The following SNTG1 variants were observed in gnomAD, a reference collection of about 807,000 sequenced individuals.
SNTG1 encodes syntrophin gamma 1, also known as gamma-1-syntrophin.
A neutral mutation model predicts 74.7 loss-of-function variants in SNTG1; 39 were observed. The observed-to-expected ratio is 0.52, with a 90% CI of 0.40 to 0.68. SNTG1 has a LOEUF of 0.68. SNTG1 is among the 30% of genes least tolerant of loss of function. The pLI, the probability that SNTG1 is intolerant of heterozygous loss-of-function variation, is 0.00. For synonymous variants in SNTG1, 254 were observed against 217.1 expected (o/e 1.17, Z -1.49); for missense variants, 685 against 609.5 (o/e 1.12, Z -1.30).
intron 2 of SNTG1, among the ~76,000 whole-genome samples, chr8:50,365,768 TA>T (rs2092090599): frequency 6.6e-6 from 1 of 152,186 alleles, no homozygotes. Context: ...AGAACTCTTA[TA>T]ACCACAAATT....
At chr8:49,969,918 CTGTGTGTGTG>C (rs34129313) in intron 1 of SNTG1, among the ~76,000 whole-genome samples, 1 of 149,004 alleles carries the variant, frequency 6.7e-6, no homozygotes, top group South Asian at 2.1e-4. Flanking sequence ...AATAAAAAAC[CTGTGTGTGTG>C]TGTGTGTGTG....
chr8:50,406,177 A>G (rs1465840596), intron 4 of SNTG1, among the ~76,000 whole-genome samples: 1 of 152,106 alleles, frequency 6.6e-6, no homozygotes, highest in Non-Finnish European at 1.5e-5. Flanking sequence ...TGATAGATGA[A>G]CATAACATCT....
At chr8:50,148,921 G>A (rs1246694730) in intron 1 of SNTG1, among the ~76,000 whole-genome samples, 3 of 152,140 alleles carry the variant, frequency 2.0e-5, no homozygotes, top group Non-Finnish European at 4.4e-5. Flanking sequence ...CCCAGTAATG[G>A]GATGGCTGGG....
intron 13 of SNTG1, among the ~76,000 whole-genome samples, chr8:50,639,533 A>G (rs918751344): frequency 3.3e-5 from 5 of 152,040 alleles, no homozygotes; most frequent in African/African-American, 1.2e-4. Context: ...TTTCAAATAT[A>G]TATTTGCCTA....
At chr8:50,174,627 C>T (rs556218574) in intron 2 of SNTG1, among the ~76,000 whole-genome samples, 1 of 152,172 alleles carries the variant, frequency 6.6e-6, no homozygotes, top group South Asian at 2.1e-4. Context: ...ATTGCTAGAC[C>T]TTTTTTCATA....
At chr8:50,259,509 AAAGAAAGAAAGAAAG>A (rs1208679088) in intron 2 of SNTG1, among the ~76,000 whole-genome samples, 147 of 10,978 alleles carry the variant, frequency 0.013, 21 homozygotes, top group African/African-American at 0.016. Context: ...AAAAAAAAAA[AAAGAAAGAAAGAAAG>A]AAAGAAAGAA....
rs138745276 is a variant in SNTG1, at chr8:50,536,908, T to G, written c.680+100T>G. On this transcript the variant is annotated intron_variant, in intron 11 of 18. Transcript: ENST00000642720. The stretch of plus-strand genomic sequence containing the variant: ...CACAATACGCCTTATGATTTTAGTA[T>G]GTTTTTGATAGTAGAAAGAAGAGCT... 9.7e-4 allele frequency: 1,335 copies of G among 1,379,142 alleles called. 22 individuals carry two copies. In the East Asian group the frequency reaches 0.029, roughly 29 times the overall value. The allele number at this position is 1,379,142 out of a possible 1,614,324, so 85.4% of individuals were successfully genotyped here.
At chr8:50,546,330 T>C (rs2130528969) in intron 11 of SNTG1, among the ~76,000 whole-genome samples, 1 of 150,280 alleles carries the variant, frequency 6.7e-6, no homozygotes, top group Middle Eastern at 3.4e-3. Context: ...GAAAGGGGAA[T>C]ATAAAATTTA....
At chr8:50,641,059 T>C (rs893963230) in intron 13 of SNTG1, among the ~76,000 whole-genome samples, 3 of 152,206 alleles carry the variant, frequency 2.0e-5, no homozygotes, top group African/African-American at 7.2e-5. Flanking sequence ...GAATTCAGAC[T>C]AACTCCAACT....
At chr8:50,709,385 T>TAA (rs904931517) in intron 17 of SNTG1, among the ~76,000 whole-genome samples, 3 of 151,940 alleles carry the variant, frequency 2.0e-5, no homozygotes, top group Admixed American at 6.6e-5. Context: ...GTTGTTTTTT[T>TAA]AAAAAAAATT....
At chr8:50,170,990 C>G (rs1489050884) in intron 1 of SNTG1, among the ~76,000 whole-genome samples, 1 of 152,106 alleles carries the variant, frequency 6.6e-6, no homozygotes, top group African/African-American at 2.4e-5. Context: ...AGTATGGCCA[C>G]CCAGTTAATC....
intron 1 of SNTG1, among the ~76,000 whole-genome samples, chr8:50,131,645 G>A (rs2081321751): frequency 6.6e-6 from 1 of 152,040 alleles, no homozygotes; most frequent in African/African-American, 2.4e-5. Flanking sequence ...CAATGAACAT[G>A]GGAGTATGAT....
At chr8:50,497,601 G>A (rs1324961847) in intron 8 of SNTG1, among the ~76,000 whole-genome samples, 1 of 151,940 alleles carries the variant, frequency 6.6e-6, no homozygotes, top group Non-Finnish European at 1.5e-5. Context: ...AAATTTCAAT[G>A]AGATTGTCCT....
intron 1 of SNTG1, among the ~76,000 whole-genome samples, chr8:49,999,467 T>C (rs1165861577): frequency 6.6e-6 from 1 of 152,180 alleles, no homozygotes; most frequent in Non-Finnish European, 1.5e-5. Context: ...GTGATCTTGT[T>C]ATAATAAAGT....
At chr8:50,269,287 C>A (rs752034633) in intron 2 of SNTG1, among the ~76,000 whole-genome samples, 2 of 152,056 alleles carry the variant, frequency 1.3e-5, no homozygotes, top group South Asian at 4.1e-4. Context: ...TAGGAAAAGA[C>A]AAACTACAGG....
intron 1 of SNTG1, among the ~76,000 whole-genome samples, chr8:50,102,467 T>G (rs1323372256): frequency 6.8e-6 from 1 of 146,244 alleles, no homozygotes; most frequent in African/African-American, 2.5e-5. Flanking sequence ...TAGCCCTTTG[T>G]CAGATGAGTA....
chr8:50,350,147 T>C (rs2091609404), intron 2 of SNTG1, among the ~76,000 whole-genome samples: 4 of 152,120 alleles, frequency 2.6e-5, no homozygotes. Flanking sequence ...CTTAGCTGCC[T>C]CCTCAGGGTC....
chr8:50,111,604 T>C (rs1373651197), intron 1 of SNTG1, among the ~76,000 whole-genome samples: 2 of 152,290 alleles, frequency 1.3e-5, no homozygotes, highest in East Asian at 3.9e-4. Flanking sequence ...AAGTCTATGA[T>C]ATTTTATTAT....
intron 2 of SNTG1, among the ~76,000 whole-genome samples, chr8:50,256,081 C>T (rs562699070): frequency 1.1e-4 from 17 of 152,178 alleles, no homozygotes; most frequent in Non-Finnish European, 1.9e-4. Context: ...CCTTGTTGCT[C>T]TATACTTTGC....
Sources: allele counts gnomAD v4.1 joint callset (sites outside exome capture counted in the v4.1 genomes callset), GRCh38; gene constraint gnomAD v4.1.1; transcripts MANE v1.5; gene names NCBI Gene and HGNC (gene_info 2026-07-23, HGNC 2026-07-21).